Variants in BTBD1 observed in about 807,000 individuals in gnomAD.
The protein encoded by BTBD1 is BTB domain containing 1.
Under a neutral mutation model 48.0 loss-of-function variants are expected in BTBD1, and 34 were observed. The ratio of observed to expected loss-of-function variants is 0.71; its 90% CI spans 0.54 to 0.94. BTBD1 has a LOEUF of 0.94. Among genes scored for constraint, BTBD1 ranks in the 40% least tolerant of loss-of-function variants. The probability of loss-of-function intolerance (pLI) is 0.00; values close to 1 mark genes in which losing one functional copy is unlikely to be tolerated. For missense variants in BTBD1, 543 were observed against 625.6 expected, an observed-to-expected ratio of 0.87 and a Z score of 1.41; for synonymous variants, 261 against 242.1, an observed-to-expected ratio of 1.08 and a Z score of -0.72.
In BTBD1 at chr15:83,060,998, C is replaced by A. The variant is rs991437067; in HGVS notation, c.402-4453G>T. On this transcript the variant is annotated intron_variant, in intron 1 of 7. Transcript: ENST00000261721. ...AAAATATGGGTAAGATAGCTTTGCC[C>A]ATAAAAACCTTACACAGTCAGTCAT... 4.6e-5 allele frequency among the ~76,000 whole-genome samples: 7 copies of A among 152,086 alleles called. No individual in the cohort carries two copies. The East Asian group carries it at 1.2e-3, about 25-fold the overall frequency.
intron 1 of BTBD1, among the ~76,000 whole-genome samples, chr15:83,063,870 T>C (rs1346390845): frequency 6.6e-6 from 1 of 152,236 alleles, no homozygotes; most frequent in Non-Finnish European, 1.5e-5. Context: ...ATAACTTGAT[T>C]ATTTTTCTTC....
In BTBD1 at chr15:83,030,331, G is replaced by A. The variant is rs768200976; in HGVS notation, c.863-3C>T. Reference sequence around the variant, plus strand: ...CAAAATTCCAGATTGAGCAGGACCTGTGGAAATAAAAACATAAGCCTAAAA... The same window carrying A: ...CAAAATTCCAGATTGAGCAGGACCTATGGAAATAAAAACATAAGCCTAAAA... On this transcript the variant is annotated splice_polypyrimidine_tract_variant and splice_region_variant and intron_variant, in intron 4 of 7. Coordinates refer to ENST00000261721, the MANE Select transcript of BTBD1 (RefSeq NM_025238.4). The A allele has an allele frequency of 3.1e-6, 5 of 1,599,926 alleles. No individual in the cohort carries two copies. The Admixed American group carries it at 5.2e-5, about 17-fold the overall frequency.
Position 83,017,136 on chromosome 15 carries a change from G to C in BTBD1, c.*931C>G, listed in dbSNP as rs80271201. The stretch of plus-strand genomic sequence containing the variant: ...TAGAAATGTGTAGGTGGCAGAAAGC[G>C]TATTTTTCAGCAGGAGTGATTCTGT... On this transcript the variant is annotated 3_prime_UTR_variant, in exon 8 of 8. Transcript: ENST00000261721. 1 of 152,646 alleles carries C rather than the reference G, an allele frequency of 6.6e-6. No homozygotes were observed. Among genetic ancestry groups the C allele is most frequent in the Non-Finnish European group, 1.5e-5 (1 of 68,034 alleles). The allele number at this position is 152,646 out of a possible 1,614,324, so 9.5% of individuals were successfully genotyped here. A position where few individuals can be genotyped will look rare whatever the true frequency, so the allele number is the denominator to read the frequency against.
intron 1 of BTBD1, among the ~76,000 whole-genome samples, chr15:83,065,216 A>G (rs532408992): frequency 9.2e-5 from 14 of 152,380 alleles, no homozygotes; most frequent in African/African-American, 3.4e-4. Context: ...ACGTGTGGAA[A>G]GAAAATCTAT....
chr15:83,043,616 T>C (rs145464358), intron 3 of BTBD1, among the ~76,000 whole-genome samples: 149 of 152,032 alleles, frequency 9.8e-4, no homozygotes, highest in African/African-American at 3.4e-3. Context: ...GTGGTGAAAA[T>C]TGATCATATT....
intron 2 of BTBD1, among the ~76,000 whole-genome samples, chr15:83,056,145 T>C (rs1022589261): frequency 1.3e-5 from 2 of 152,148 alleles, no homozygotes; most frequent in African/African-American, 2.4e-5. Flanking sequence ...CCTCAAGTGA[T>C]CTACCCGCTT....
At chr15:83,066,128 C>T (rs2033264460) in intron 1 of BTBD1, among the ~76,000 whole-genome samples, 1 of 151,790 alleles carries the variant, frequency 6.6e-6, no homozygotes, top group Non-Finnish European at 1.5e-5. Context: ...CCTCTCTCTA[C>T]CAAAAATAAA....
In BTBD1 at chr15:83,018,193, C is replaced by T; in HGVS notation, c.1323G>A (p.Leu441=). 1 of 1,605,982 alleles carries T rather than the reference C, an allele frequency of 6.2e-7. No individual in the cohort carries two copies. The highest frequency in any genetic ancestry group is 8.5e-7 in the Non-Finnish European group (1 of 1,176,540). Residue 441 remains leucine (L), a synonymous_variant, in exon 8 of 8, where the codon TTG becomes TTA. Coordinates refer to ENST00000261721, the MANE Select transcript of BTBD1 (RefSeq NM_025238.4). ...GPDSHYGTKG[L]KKVVHETPAA... ...CAGGTGTCTCATGCACTACTTTCTT[C>T]AATCCTTTTGTGCCATAGTGGGAAT...
At chr15:83,029,870 GAAAAACAAAAA>G (rs1287158285) in intron 5 of BTBD1, 15 of 405,818 alleles carry the variant, frequency 3.7e-5, no homozygotes, top group Non-Finnish European at 4.9e-5. Flanking sequence ...CCATCTTGGG[GAAAAACAAAAA>G]AATCACGTAA....
Position 83,066,877 on chromosome 15 carries a change from G to A in BTBD1, c.275C>T (p.Ala92Val). 1 of 1,490,404 alleles carries A rather than the reference G, an allele frequency of 6.7e-7. No homozygotes were observed. The highest frequency in any genetic ancestry group is 2.8e-5 in the East Asian group (1 of 36,186). 92.3% of individuals were successfully genotyped at this position (1,490,404 alleles called of 1,614,324 possible). The change falls in exon 1 of 8, where the codon GCC (alanine) becomes GTC (valine). Residue 92 changes from alanine (A) to valine (V), a missense_variant. Around this residue, in one of 3 missense-constraint regions of BTBD1, gnomAD observed 173 missense variants for 163.9 expected, o/e 1.06. Coordinates refer to ENST00000261721, the MANE Select transcript of BTBD1 (RefSeq NM_025238.4). ...GCCGGCCGCCAGCACGAAGCGGTGGGCGGGGATGCGCTGCGGGCCCCCAGC... is the reference window on the plus strand; with the variant it reads ...GCCGGCCGCCAGCACGAAGCGGTGGACGGGGATGCGCTGCGGGCCCCCAGC... ...AAAGGPQRIP[A>V]HRFVLAAGSA...
chr15:83,021,410 T>C (rs373792411), intron 5 of BTBD1, among the ~76,000 whole-genome samples: 19 of 152,328 alleles, frequency 1.2e-4, no homozygotes, highest in African/African-American at 3.6e-4. Flanking sequence ...TTAAGAAATA[T>C]TGACCCATCT....
chr15:83,066,734 CCCG>C lies in BTBD1; in HGVS notation c.401+14_401+16del. The C allele has an allele frequency of 3.1e-6, 4 of 1,279,504 alleles. No homozygotes were observed. Among genetic ancestry groups the C allele is most frequent in the Non-Finnish European group, 3.9e-6 (4 of 1,017,482 alleles). The allele number at this position is 1,279,504 out of a possible 1,614,324, so 79.3% of individuals were successfully genotyped here. On this transcript the variant is annotated intron_variant, in intron 1 of 7. Transcript: ENST00000261721. ...CCCGGCCCGGCCCGGCCCGGCCCGG[CCCG>C]CGCTGCCGCTCACCTCAGCAGCGCC...
At chr15:83,054,920 C>A (rs575948249) in intron 2 of BTBD1, among the ~76,000 whole-genome samples, 2 of 152,106 alleles carry the variant, frequency 1.3e-5, no homozygotes, top group Non-Finnish European at 2.9e-5. Flanking sequence ...GAGCTCTGGG[C>A]CATGGCCCTA....
chr15:83,026,043 A>T (rs1011980153), intron 5 of BTBD1, among the ~76,000 whole-genome samples: 1 of 152,198 alleles, frequency 6.6e-6, no homozygotes, highest in Non-Finnish European at 1.5e-5. Context: ...TGCTGGGATT[A>T]CAGGCATGAG....
At chr15:83,039,794 A>C (rs1353615396) in intron 4 of BTBD1, among the ~76,000 whole-genome samples, 10 of 146,298 alleles carry the variant, frequency 6.8e-5, no homozygotes, top group Non-Finnish European at 1.1e-4. Context: ...AAAAAAAAAA[A>C]CCACAAACAA....
In BTBD1 at chr15:83,067,209, C is replaced by A. The variant is rs907781679; in HGVS notation, c.-58G>T. The A allele has an allele frequency of 1.5e-6, 2 of 1,337,470 alleles. No homozygotes were observed. The highest frequency in any genetic ancestry group is 1.9e-6 in the Non-Finnish European group (2 of 1,045,422). The allele number at this position is 1,337,470 out of a possible 1,614,324, so 82.9% of individuals were successfully genotyped here. On this transcript the variant is annotated 5_prime_UTR_variant, in exon 1 of 8. Transcript: ENST00000261721. ...AAAACTCCGCCGCCATCGCCCAGGC[C>A]GCCTCCGGAGGCCGGCGCTGCCTCC...
intron 1 of BTBD1, among the ~76,000 whole-genome samples, chr15:83,063,034 A>G (rs1000014226): frequency 1.3e-5 from 2 of 152,194 alleles, no homozygotes; most frequent in Non-Finnish European, 2.9e-5. Context: ...TCTCAATAGC[A>G]TTGAGCATAA....
intron 5 of BTBD1, among the ~76,000 whole-genome samples, chr15:83,029,293 C>T (rs1459832033): frequency 1.3e-5 from 2 of 152,132 alleles, no homozygotes; most frequent in African/African-American, 4.8e-5. Context: ...TTTGTGAAAA[C>T]CGGCACTGAT....
intron 3 of BTBD1, among the ~76,000 whole-genome samples, chr15:83,047,174 G>A (rs918599259): frequency 5.3e-5 from 8 of 152,110 alleles, no homozygotes; most frequent in African/African-American, 2.4e-5. Flanking sequence ...TATATACAGA[G>A]ACAAATACCT....
Sources: gnomAD v4.1 joint callset for allele counts (sites outside exome capture counted in the v4.1 genomes callset) on GRCh38, gnomAD v4.1.1 for gene constraint, gnomAD v4.1.1 regional missense constraint, MANE v1.5 for transcripts, NCBI Gene and HGNC (gene_info 2026-07-23, HGNC 2026-07-21) for gene names.